The following MCM9 variants were observed in gnomAD, a reference collection of about 807,000 sequenced individuals.
MCM9 encodes minichromosome maintenance 9 homologous recombination repair factor.
Under a neutral mutation model 72.8 loss-of-function variants are expected in MCM9, and 55 were observed. The observed-to-expected ratio is 0.76, with a 90% CI of 0.61 to 0.95. The LOEUF (loss-of-function observed/expected upper bound fraction) is 0.95. MCM9 is among the 40% of genes least tolerant of loss of function. The probability of loss-of-function intolerance (pLI) is 0.00; values close to 1 mark genes in which losing one functional copy is unlikely to be tolerated. For missense variants in MCM9, 1,279 were observed against 1,377.0 expected (o/e 0.93, Z 1.13); for synonymous variants, 480 against 503.4 (o/e 0.95, Z 0.62).
intron 9 of MCM9, among the ~76,000 whole-genome samples, chr6:118,838,924 G>A (rs963370584): frequency 5.3e-5 from 8 of 152,042 alleles, no homozygotes; most frequent in Non-Finnish European, 7.3e-5. Context: ...TGTTCTTCTC[G>A]AGGAGTATCT....
chr6:118,855,788 T>G (rs1227500898), intron 9 of MCM9, among the ~76,000 whole-genome samples: 1 of 152,164 alleles, frequency 6.6e-6, no homozygotes, highest in African/African-American at 2.4e-5. Flanking sequence ...CTATAACCAT[T>G]TCAGTGCCTG....
intron 13 of MCM9, 93 bp downstream of exon 13, chr6:118,826,054 T>TA: frequency 2.2e-6 from 3 of 1,371,868 alleles, no homozygotes; most frequent in South Asian, 2.9e-5. Context: ...ACCTGATAGA[T>TA]AGATTTTTCC....
At position 118,931,522 on chromosome 6, in the gene MCM9, T is replaced by C. The variant is rs764926938; in HGVS notation, c.202A>G (p.Ile68Val). Residue 68 changes from isoleucine to valine, a missense_variant, in exon 3 of 14, where the codon ATT becomes GTT. By Grantham distance (29) the Ile-to-Val change is conservative (BLOSUM62 3). Transcript: ENST00000619706. ...GACCTTCGCAGTGCACTATCAAAAA[T>C]TGTAAGCACTTCACTGGGGAACATG... ...FNMFPSEVLT[I>V]FDSALRRSAL... 66 of 1,614,148 alleles carry C rather than the reference T, an allele frequency of 4.1e-5. 1 individual carries two copies. The East Asian group carries it at 6.5e-4, about 16-fold the overall frequency.
chr6:118,883,088 A>T (rs994585791), intron 8 of MCM9, among the ~76,000 whole-genome samples: 1 of 151,036 alleles, frequency 6.6e-6, no homozygotes, highest in African/African-American at 2.4e-5. Context: ...AAAAAAAAAA[A>T]GGGATGATGA....
At chr6:118,886,457 A>T (rs1778608566) in intron 8 of MCM9, among the ~76,000 whole-genome samples, 1 of 152,152 alleles carries the variant, frequency 6.6e-6, no homozygotes, top group Non-Finnish European at 1.5e-5. Context: ...TATACACAAA[A>T]TCCTAAGAAA....
chr6:118,815,235 C>T lies in MCM9; in HGVS notation c.3021G>A (p.Val1007=), dbSNP rs1562395406. The T allele has an allele frequency of 6.4e-7, 1 of 1,550,704 alleles. No homozygotes were observed. ...TAATCCTCTTCTCAGGGGCACACAT[C>T]ACCTTCTCTCTTGGTCCGTGTTTCT... The part of the protein sequence containing the change: ...PPEKHGPREK[V]MCAPEKRIIQ... The change falls in exon 14 of 14, where the codon GTG becomes GTA. Residue 1007 remains valine, a synonymous_variant. Transcript: ENST00000619706.
At chr6:118,916,332 G>T (rs117825838) in intron 6 of MCM9, among the ~76,000 whole-genome samples, 5 of 143,506 alleles carry the variant, frequency 3.5e-5, no homozygotes, top group African/African-American at 7.7e-5. Flanking sequence ...GAAAGATCAG[G>T]AACTACTAAT....
At chr6:118,882,425 T>A (rs1778346346) in intron 8 of MCM9, among the ~76,000 whole-genome samples, 3 of 152,234 alleles carry the variant, frequency 2.0e-5, no homozygotes, top group African/African-American at 7.2e-5. Flanking sequence ...AGCTGTATGC[T>A]AAACCATAGG....
intron 9 of MCM9, among the ~76,000 whole-genome samples, chr6:118,831,663 A>C (rs772219512): frequency 2.0e-5 from 3 of 152,224 alleles, no homozygotes; most frequent in Non-Finnish European, 4.4e-5. Flanking sequence ...AAACACAAAT[A>C]CATACATACA....
At chr6:118,913,140 T>A in intron 7 of MCM9, 155 bp downstream of exon 7, 2 of 802,758 alleles carry the variant, frequency 2.5e-6, no homozygotes, top group Non-Finnish European at 3.8e-6. Flanking sequence ...GATATACAGA[T>A]GCTAGACTAA....
intron 3 of MCM9, among the ~76,000 whole-genome samples, chr6:118,925,869 TCA>T (rs1266829755): frequency 2.0e-5 from 3 of 152,138 alleles, no homozygotes; most frequent in Admixed American, 2.0e-4. Context: ...TTGTAGATTC[TCA>T]GTTACATTTA....
At chr6:118,906,188 T>C (rs978980457) in intron 8 of MCM9, among the ~76,000 whole-genome samples, 1 of 152,176 alleles carries the variant, frequency 6.6e-6, no homozygotes, top group Non-Finnish European at 1.5e-5. Flanking sequence ...TTCTCCTGTC[T>C]CAGCCTCCCA....
In MCM9 at chr6:118,917,541, T is replaced by C; in HGVS notation, c.904+20A>G. ...TGTAATACCATTAATAATAATCAGT[T>C]TTAGCCCTTAAACACAAACCTGCAA... On this transcript the variant is annotated intron_variant, in intron 6 of 13. Transcript: ENST00000619706. 1.2e-6 allele frequency: 2 copies of C among 1,611,108 alleles called. No individual in the cohort carries two copies. The highest frequency in any genetic ancestry group is 1.7e-6 in the Non-Finnish European group (2 of 1,177,414).
At chr6:118,840,741 CCTT>C (rs1001333690) in intron 9 of MCM9, among the ~76,000 whole-genome samples, 15 of 108,860 alleles carry the variant, frequency 1.4e-4, no homozygotes, top group East Asian at 2.8e-4. Flanking sequence ...CTCCCCCCCC[CCTT>C]TTTTTTTTTT....
chr6:118,833,632 A>T (rs1250698467), intron 9 of MCM9, among the ~76,000 whole-genome samples: 2 of 152,196 alleles, frequency 1.3e-5, no homozygotes, highest in Non-Finnish European at 2.9e-5. Flanking sequence ...ACATACTACA[A>T]CATGGAAGAA....
intron 9 of MCM9, among the ~76,000 whole-genome samples, chr6:118,840,076 G>A (rs560363093): frequency 2.0e-5 from 3 of 152,218 alleles, no homozygotes; most frequent in African/African-American, 7.2e-5. Flanking sequence ...TTATCTATAA[G>A]CCCCTGACTG....
At chr6:118,845,938 A>C (rs938807072) in intron 9 of MCM9, among the ~76,000 whole-genome samples, 3 of 151,792 alleles carry the variant, frequency 2.0e-5, no homozygotes, top group African/African-American at 7.3e-5. Context: ...ATTGATTCTA[A>C]AGGATATGAA....
chr6:118,829,357 C>G, intron 9 of MCM9, 107 bp from the exon 10 acceptor site: 2 of 1,010,322 alleles, frequency 2.0e-6, no homozygotes, highest in South Asian at 3.7e-5. Flanking sequence ...AATCTACGAA[C>G]TCCTATGAAA....
chr6:118,851,799 T>C (rs1441931000), intron 9 of MCM9, among the ~76,000 whole-genome samples: 2 of 149,304 alleles, frequency 1.3e-5, no homozygotes, highest in Non-Finnish European at 2.9e-5. Flanking sequence ...CTTGAAACTA[T>C]AATAATACAC....
Sources: gnomAD v4.1 joint callset for allele counts (sites outside exome capture counted in the v4.1 genomes callset) on GRCh38, gnomAD v4.1.1 for gene constraint, MANE v1.5 for transcripts, NCBI Gene and HGNC (gene_info 2026-07-23, HGNC 2026-07-21) for gene names.